Variants in NOL10 observed in about 807,000 individuals in gnomAD.
NOL10 encodes H_NH0074G24.1.
Under a neutral mutation model 103.5 loss-of-function variants are expected in NOL10, and 58 were observed. That is an observed-to-expected ratio of 0.56 (90% CI 0.45 to 0.70). The LOEUF (loss-of-function observed/expected upper bound fraction) is 0.70, where lower values mean the gene tolerates loss of function less well. Ranked by LOEUF, NOL10 falls within the 30% of genes least tolerant of loss-of-function variation. The pLI is 0.00. For synonymous variants in NOL10, 287 were observed against 282.5 expected, an observed-to-expected ratio of 1.02 and a Z score of -0.16; for missense variants, 763 against 807.3, an observed-to-expected ratio of 0.95 and a Z score of 0.67.
At chr2:10,682,626 C>T (rs1236300242) in intron 2 of NOL10, among the ~76,000 whole-genome samples, 1 of 151,994 alleles carries the variant, frequency 6.6e-6, no homozygotes, top group Non-Finnish European at 1.5e-5. Context: ...TCTCAAACTT[C>T]TAGGGCCAAG....
chr2:10,604,708 A>G (rs938248966), intron 14 of NOL10: 7 of 152,230 alleles, frequency 4.6e-5, no homozygotes, highest in Admixed American at 1.3e-4. Flanking sequence ...AAGTCAGGTC[A>G]TAAATAAAAA....
At chr2:10,677,839 T>TTGTGTGTGTGTGTGTG (rs58970211) in intron 3 of NOL10, among the ~76,000 whole-genome samples, 1 of 146,742 alleles carries the variant, frequency 6.8e-6, no homozygotes, top group Non-Finnish European at 1.5e-5. Context: ...TTTAATACAT[T>TTGTGTGTGTGTGTGTG]TGTGTGTGTG....
chr2:10,586,677 C>CT (rs1394659224), intron 19 of NOL10, among the ~76,000 whole-genome samples: 1 of 152,054 alleles, frequency 6.6e-6, no homozygotes, highest in Non-Finnish European at 1.5e-5. Context: ...CCTCTTCTTC[C>CT]TCTTCAGACC....
intron 13 of NOL10, among the ~76,000 whole-genome samples, chr2:10,642,668 G>C (rs562754459): frequency 3.6e-4 from 55 of 151,830 alleles, no homozygotes; most frequent in South Asian, 6.2e-4. Flanking sequence ...TGGGAAAGTC[G>C]ACTGAAAAGG....
At chr2:10,620,990 T>C (rs1677110870) in intron 13 of NOL10, among the ~76,000 whole-genome samples, 1 of 152,082 alleles carries the variant, frequency 6.6e-6, no homozygotes. Flanking sequence ...GAGACGGTTT[T>C]GCCATGTTGG....
chr2:10,671,208 T>C (rs1266335639), intron 6 of NOL10, among the ~76,000 whole-genome samples: 3 of 152,124 alleles, frequency 2.0e-5, no homozygotes, highest in African/African-American at 7.2e-5. Context: ...GTCTCATAAA[T>C]TGTGGCAACC....
intron 13 of NOL10, chr2:10,634,423 T>C (rs371794126): frequency 3.9e-4 from 173 of 449,262 alleles, no homozygotes; most frequent in African/African-American, 3.2e-3. Context: ...ATGGAGACCC[T>C]GGCAGGTGGG....
At chr2:10,595,592 TG>T (rs1424272746) in intron 17 of NOL10, among the ~76,000 whole-genome samples, 33,946 of 129,082 alleles carry the variant, frequency 0.26, 4,586 homozygotes, top group Non-Finnish European at 0.34. Context: ...TTTTTTGTTT[TG>T]TTTTGTTTTT....
chr2:10,602,276 C>G (rs1676014992), intron 16 of NOL10, among the ~76,000 whole-genome samples: 1 of 152,238 alleles, frequency 6.6e-6, no homozygotes, highest in African/African-American at 2.4e-5. Flanking sequence ...CAGTTTACCT[C>G]TCTCCTCCAT....
intron 12 of NOL10, among the ~76,000 whole-genome samples, chr2:10,653,032 C>T (rs1197760093): frequency 1.3e-5 from 2 of 152,076 alleles, no homozygotes; most frequent in Non-Finnish European, 1.5e-5. Context: ...CCCGTTTCTA[C>T]TAAAAATACA....
At chr2:10,597,203 G>C (rs1035336701) in intron 17 of NOL10, among the ~76,000 whole-genome samples, 2 of 152,124 alleles carry the variant, frequency 1.3e-5, no homozygotes, top group African/African-American at 4.8e-5. Context: ...AATACTGATT[G>C]ACATTATGTG....
intron 4 of NOL10, among the ~76,000 whole-genome samples, chr2:10,674,266 G>A (rs956509342): frequency 1.3e-5 from 2 of 151,824 alleles, no homozygotes; most frequent in Admixed American, 1.3e-4. Flanking sequence ...AACAAGTTGG[G>A]AGACTATGCA....
chr2:10,589,181 T>C lies in NOL10; in HGVS notation c.1706A>G (p.Gln569Arg). The change falls in exon 19 of 21, where the codon CAG becomes CGG. Residue 569 changes from glutamine (Q) to arginine (R), a missense_variant. Gln to Arg is a conservative substitution (Grantham distance 43). Coordinates refer to ENST00000381685, the MANE Select transcript of NOL10 (RefSeq NM_024894.4). ...EEVRKQRRLL[Q>R]QEEKVKRQER... ...CTGCCGCTTCACTTTTTCCTCCTGC[T>C]GGAGGAGTCTGCGTTGCTTCCTGAC... 7.4e-6 allele frequency: 12 copies of C among 1,614,068 alleles called. No individual in the cohort carries two copies. Among genetic ancestry groups the C allele is most frequent in the South Asian group, 1.1e-5 (1 of 91,090 alleles).
chr2:10,629,660 TTC>T (rs1677709352), intron 13 of NOL10, among the ~76,000 whole-genome samples: 1 of 152,232 alleles, frequency 6.6e-6, no homozygotes, highest in African/African-American at 2.4e-5. Flanking sequence ...TATCACTGCT[TTC>T]TGTTTCAATA....
intron 13 of NOL10, among the ~76,000 whole-genome samples, chr2:10,609,597 C>T (rs992442494): frequency 2.6e-5 from 4 of 151,898 alleles, no homozygotes; most frequent in Non-Finnish European, 5.9e-5. Context: ...GAGACTCTGA[C>T]TCAAAAAAAA....
At position 10,637,212 on chromosome 2, in the gene NOL10, A is replaced by ACC. The variant is rs1553305947; in HGVS notation, c.1026+7107_1026+7108insGG. ...TCAAAAAAAAAAAAAAAAAAAAAAAAACACACACACACACTAAAACCAAAA... is the reference window on the plus strand; with the variant it reads ...TCAAAAAAAAAAAAAAAAAAAAAAAACCACACACACACACACTAAAACCAAAA... On this transcript the variant is annotated intron_variant, in intron 13 of 20. Coordinates refer to ENST00000381685, the MANE Select transcript of NOL10 (RefSeq NM_024894.4). 2.9e-5 allele frequency among the ~76,000 whole-genome samples: 4 copies of ACC among 137,220 alleles called. No homozygotes were observed. In the East Asian group the frequency reaches 1.1e-3, roughly 38 times the overall value. The allele number at this position is 137,220 out of a possible 152,430, so 90.0% of individuals were successfully genotyped here.
chr2:10,665,125 T>C (rs1214795925), intron 8 of NOL10, among the ~76,000 whole-genome samples: 1 of 152,232 alleles, frequency 6.6e-6, no homozygotes, highest in Non-Finnish European at 1.5e-5. Flanking sequence ...CAAGTAGGTA[T>C]GTTGCAAAGA....
chr2:10,648,826 T>C (rs1258388523), intron 12 of NOL10, among the ~76,000 whole-genome samples: 3 of 152,110 alleles, frequency 2.0e-5, no homozygotes, highest in Admixed American at 6.5e-5. Context: ...GGCCTGATCT[T>C]TGAAAAGTCA....
intron 13 of NOL10, among the ~76,000 whole-genome samples, chr2:10,621,284 A>G (rs768883811): frequency 6.6e-6 from 1 of 152,142 alleles, no homozygotes; most frequent in Non-Finnish European, 1.5e-5. Context: ...AAAAAAACCA[A>G]CTGCTATAAT....
Sources: gnomAD v4.1 joint callset for allele counts (sites outside exome capture counted in the v4.1 genomes callset) on GRCh38, gnomAD v4.1.1 for gene constraint, MANE v1.5 for transcripts, NCBI Gene and HGNC (gene_info 2026-07-23, HGNC 2026-07-21) for gene names.